PLCG2: variants seen among roughly 807,000 people sequenced by gnomAD.
PLCG2 encodes phospholipase C gamma 2, also known as 1-phosphatidylinositol 4,5-bisphosphate phosphodiesterase gamma-2.
In PLCG2, 69 loss-of-function variants were observed where a neutral mutation model predicts 175.6. The observed-to-expected ratio is 0.39, with a 90% CI of 0.32 to 0.48. The LOEUF (loss-of-function observed/expected upper bound fraction) is 0.48. Among genes scored for constraint, PLCG2 ranks in the 20% least tolerant of loss-of-function variants. PLCG2 has a pLI of 0.91. For synonymous variants in PLCG2, 827 were observed against 624.0 expected (o/e 1.33, Z -4.85); for missense variants, 1,798 against 1,650.9 (o/e 1.09, Z -1.54).
In PLCG2 at chr16:81,951,096, T is replaced by A. The variant is rs575022619; in HGVS notation, c.3570+4833T>A. Among the ~76,000 whole-genome samples, 32 of 152,332 alleles carry A rather than the reference T, an allele frequency of 2.1e-4. No individual in the cohort carries two copies. In the South Asian group the frequency reaches 6.6e-3, roughly 32 times the overall value. ...TTGACCTCCTGGGCTCAAGTGATCT[T>A]CCTGAGTAGCTGGGACTACAGGCAT... On this transcript the variant is annotated intron_variant, in intron 31 of 32. Coordinates refer to ENST00000564138, the MANE Select transcript of PLCG2 (RefSeq NM_002661.5).
At chr16:81,741,046 C>T (rs944641881) in intron 1 of PLCG2, among the ~76,000 whole-genome samples, 1 of 152,220 alleles carries the variant, frequency 6.6e-6, no homozygotes, top group African/African-American at 2.4e-5. Context: ...TCCCCCAAGG[C>T]AGTCCCCTTC....
At chr16:81,750,069 A>G (rs1222360415) in intron 1 of PLCG2, among the ~76,000 whole-genome samples, 1 of 152,220 alleles carries the variant, frequency 6.6e-6, no homozygotes, top group African/African-American at 2.4e-5. Context: ...TTAAAAACAC[A>G]TAGAGGTATC....
chr16:81,845,243 G>A (rs1036998081), intron 2 of PLCG2, among the ~76,000 whole-genome samples: 2 of 152,116 alleles, frequency 1.3e-5, no homozygotes, highest in Non-Finnish European at 1.5e-5. Context: ...TCCCTGTCCC[G>A]TGTTATTTCT....
rs189418477 is a variant in PLCG2, at chr16:81,785,747, C to T, written c.-47-196C>T. Reference sequence around the variant, plus strand: ...TCCTTGAGGTCAGGGGCTCTTCTCACACTTCAGTTTCCATTTAAACCTTTG... The same window carrying T: ...TCCTTGAGGTCAGGGGCTCTTCTCATACTTCAGTTTCCATTTAAACCTTTG... On this transcript the variant is annotated intron_variant, in intron 1 of 32. Transcript: ENST00000564138. 7.1e-6 allele frequency: 3 copies of T among 423,320 alleles called. No homozygotes were observed. The Admixed American group carries it at 1.2e-4, about 17-fold the overall frequency. 26.2% of individuals were successfully genotyped at this position (423,320 alleles called of 1,614,324 possible).
chr16:81,749,927 G>C (rs1362890405), intron 1 of PLCG2, among the ~76,000 whole-genome samples: 6 of 152,056 alleles, frequency 3.9e-5, no homozygotes, highest in African/African-American at 1.4e-4. Flanking sequence ...CCATCTACGC[G>C]GCGGAATGCA....
At chr16:81,810,822 C>T (rs560799994) in intron 2 of PLCG2, among the ~76,000 whole-genome samples, 15 of 152,234 alleles carry the variant, frequency 9.9e-5, no homozygotes, top group Admixed American at 4.6e-4. Flanking sequence ...TTAATTTCAT[C>T]GACCTTATTG....
At chr16:81,783,061 T>A (rs1910809963) in intron 1 of PLCG2, 2 of 457,070 alleles carry the variant, frequency 4.4e-6, no homozygotes, top group Admixed American at 4.7e-5. Context: ...GAAGGTTAAG[T>A]CCAAGGCCCT....
intron 9 of PLCG2, among the ~76,000 whole-genome samples, chr16:81,886,759 C>T (rs934347072): frequency 6.6e-6 from 1 of 152,164 alleles, no homozygotes; most frequent in Non-Finnish European, 1.5e-5. Context: ...TGGAGAATAA[C>T]CTGTACCTCC....
At chr16:81,887,340 C>T (rs569510861) in intron 9 of PLCG2, among the ~76,000 whole-genome samples, 4 of 152,158 alleles carry the variant, frequency 2.6e-5, no homozygotes, top group East Asian at 1.9e-4. Context: ...AGGATGGTCT[C>T]GATCTCCTGA....
At chr16:81,778,063 A>AAAAACAAAAAAAC (rs774506846), upstream of PLCG2, among the ~76,000 whole-genome samples, 2 of 104,864 alleles carry the variant, frequency 1.9e-5, no homozygotes, top group African/African-American at 3.7e-5. Context: ...AACAAAAAAA[A>AAAAACAAAAAAAC]CCAAAAACAC....
chr16:81,802,408 G>T (rs1247151931), intron 2 of PLCG2, among the ~76,000 whole-genome samples: 1 of 150,964 alleles, frequency 6.6e-6, no homozygotes, highest in Non-Finnish European at 1.5e-5. Flanking sequence ...CACCGCGCCC[G>T]GCCTCAGGTG....
intron 11 of PLCG2, among the ~76,000 whole-genome samples, chr16:81,892,308 C>T (rs994397470): frequency 7.2e-5 from 11 of 152,174 alleles, no homozygotes; most frequent in Non-Finnish European, 8.8e-5. Context: ...GAGATGCTCA[C>T]AGGGGGCTCT....
intron 2 of PLCG2, among the ~76,000 whole-genome samples, chr16:81,761,252 C>G (rs904100304): frequency 6.6e-5 from 10 of 152,090 alleles, no homozygotes; most frequent in Admixed American, 6.6e-4. Flanking sequence ...GTAGTCCTAG[C>G]TACTCAGAAG....
chr16:81,835,208 C>CAA (rs1905452821), intron 2 of PLCG2, among the ~76,000 whole-genome samples: 1 of 152,104 alleles, frequency 6.6e-6, no homozygotes, highest in Admixed American at 6.6e-5. Flanking sequence ...ACTCCTCTGT[C>CAA]GTAGGGTGGC....
At chr16:81,854,390 C>G (rs1906576654) in intron 2 of PLCG2, 54 bp from the exon 3 acceptor site, 5 of 1,555,714 alleles carry the variant, frequency 3.2e-6, no homozygotes, top group Admixed American at 1.7e-5. Flanking sequence ...GTGGCTGCAT[C>G]CTCAGGTGGA....
Position 81,935,645 on chromosome 16 carries a change from C to T in PLCG2, c.2843-524C>T, listed in dbSNP as rs148288482. 142 of 985,350 alleles carry T rather than the reference C, an allele frequency of 1.4e-4. No homozygotes were observed. The African/African-American group carries it at 1.7e-3, about 11-fold the overall frequency. The allele number at this position is 985,350 out of a possible 1,614,324, so 61.0% of individuals were successfully genotyped here. A position where few individuals can be genotyped will look rare whatever the true frequency, so the allele number is the denominator to read the frequency against. On this transcript the variant is annotated intron_variant, in intron 26 of 32. Transcript: ENST00000564138. ...TCAGCAGGCTCAGCATGTTGACTGCCGGGCTATCCCACCACAGCTGGATGG... is the reference window on the plus strand; with the variant it reads ...TCAGCAGGCTCAGCATGTTGACTGCTGGGCTATCCCACCACAGCTGGATGG...
rs569596905 is a variant in PLCG2, at chr16:81,888,650, C to T, written c.766-522C>T. Among the ~76,000 whole-genome samples, 24 of 152,278 alleles carry T rather than the reference C, an allele frequency of 1.6e-4. No individual in the cohort carries two copies. The East Asian group carries it at 2.1e-3, about 13-fold the overall frequency. On this transcript the variant is annotated intron_variant, in intron 9 of 32. Transcript: ENST00000564138. Reference sequence around the variant, plus strand: ...CTTCATGGATGGGGAGGCACAGAGACGGTATGTAACTTGCCCAAGGTCAAC... The same window carrying T: ...CTTCATGGATGGGGAGGCACAGAGATGGTATGTAACTTGCCCAAGGTCAAC...
chr16:81,817,235 A>C (rs1187654924), intron 2 of PLCG2, among the ~76,000 whole-genome samples: 1 of 152,214 alleles, frequency 6.6e-6, no homozygotes, highest in Admixed American at 6.5e-5. Flanking sequence ...ATCCGATGGG[A>C]AGAATCCTCT....
chr16:81,889,152 G>A lies in PLCG2; in HGVS notation c.766-20G>A, dbSNP rs371319058. Reference sequence around the variant, plus strand: ...TCAGTTCTCACTTTGCTGATCTCTCGTTCTCTTTGTCATTTTAAGGAGCAT... The same window carrying A: ...TCAGTTCTCACTTTGCTGATCTCTCATTCTCTTTGTCATTTTAAGGAGCAT... On this transcript the variant is annotated intron_variant, in intron 9 of 32. Transcript: ENST00000564138. The A allele has an allele frequency of 5.8e-5, 85 of 1,469,542 alleles. 1 individual carries two copies. Among genetic ancestry groups the A allele is most frequent in the Non-Finnish European group, 6.4e-5 (68 of 1,057,548 alleles). 91.0% of individuals were successfully genotyped at this position (1,469,542 alleles called of 1,614,324 possible). A position where few individuals can be genotyped will look rare whatever the true frequency, so the allele number is the denominator to read the frequency against.
Sources: allele counts gnomAD v4.1 joint callset (sites outside exome capture counted in the v4.1 genomes callset), GRCh38; gene constraint gnomAD v4.1.1; transcripts MANE v1.5; gene names NCBI Gene and HGNC (gene_info 2026-07-23, HGNC 2026-07-21).